Variants in TUBB8B observed in about 807,000 individuals in gnomAD.
TUBB8B encodes HSA18p11 beta-tubulin 4Q pseudogene.
TUBB8B carries 26 observed loss-of-function variants against 31.9 expected under a neutral mutation model. That is an observed-to-expected ratio of 0.81 (90% CI 0.60 to 1.13). The LOEUF (loss-of-function observed/expected upper bound fraction) is 1.13, where lower values mean the gene tolerates loss of function less well. Ranked by LOEUF, TUBB8B falls within the 50% of genes most tolerant of loss-of-function variation. TUBB8B has a pLI of 0.00. For synonymous variants in TUBB8B, 173 were observed against 231.0 expected (o/e 0.75, Z 2.28); for missense variants, 467 against 586.7 (o/e 0.80, Z 2.11).
rs755418201 is a variant in TUBB8B at position 49,054 on chromosome 18, C to A, written c.167-4G>T. ...GCGCGGGGCACGTACCTGCCACCTG[C>A]GTGGGGCGGGAGGGCATGAGCGAGG... On this transcript the variant is annotated splice_region_variant and splice_polypyrimidine_tract_variant and intron_variant, in intron 2 of 3. Transcript: ENST00000308911. 5.7e-6 allele frequency: 9 copies of A among 1,591,300 alleles called. No individual in the cohort carries two copies. In the East Asian group the frequency reaches 1.8e-4, roughly 32 times the overall value.
Position 47,767 on chromosome 18 carries a change from GA to G in TUBB8B, c.957del (p.Arg320AlafsTer4). The G allele has an allele frequency of 1.9e-6, 3 of 1,611,458 alleles. No individual in the cohort carries two copies. On this transcript the variant is annotated frameshift_variant, in exon 4 of 4. Coordinates refer to ENST00000308911, the MANE Select transcript of TUBB8B (RefSeq NM_001358689.2). LOFTEE classifies it high-confidence loss of function. ...TCATCCACCTCCCTCATGGGCATGC[GA>G]CCCCTGAAAATGGCAGCCACCGTTA... ...CYLTVAAIFR[G>X]RMPMREVDEQ...
chr18:67,010 T>TC, the TUBB8B span, among the ~76,000 whole-genome samples: 5 of 151,534 alleles, frequency 3.3e-5, no homozygotes, highest in African/African-American at 9.7e-5. Context: ...TTTTTTTTTT[T>TC]CCAGAAACGG....
rs1488075143 is a variant in TUBB8B at position 47,606 on chromosome 18, G to A, written c.1119C>T (p.Ala373=). 5.0e-6 allele frequency: 8 copies of A among 1,612,382 alleles called. No homozygotes were observed. The highest frequency in any genetic ancestry group is 4.5e-5 in the East Asian group (2 of 44,856). ...AGACACATGTGAAGAGTTCCTGGATGGCCGCATTATTCCCAATGAAGGTGG... is the reference window on the plus strand; with the variant it reads ...AGACACATGTGAAGAGTTCCTGGATAGCCGCATTATTCCCAATGAAGGTGG... ...MSATFIGNNA[A]IQELFTCVSE... Residue 373 remains alanine (A), a synonymous_variant, in exon 4 of 4, where the codon GCC becomes GCT. Transcript: ENST00000308911.
chr18:54,564 C>T (rs1051388916), upstream of TUBB8B, among the ~76,000 whole-genome samples: 34 of 151,838 alleles, frequency 2.2e-4, 1 homozygote, highest in African/African-American at 7.5e-4. Context: ...GGTAACCACC[C>T]TTATACTCTC....
chr18:55,116 TATTGAG>T, the TUBB8B span, among the ~76,000 whole-genome samples: 1 of 151,888 alleles, frequency 6.6e-6, no homozygotes, highest in Non-Finnish European at 1.5e-5. Context: ...TCTATTTATG[TATTGAG>T]ATGAAGTCTT....
At chr18:71,140 A>T in the TUBB8B span, among the ~76,000 whole-genome samples, 1 of 151,792 alleles carries the variant, frequency 6.6e-6, no homozygotes, top group Admixed American at 6.6e-5. Context: ...CTGAGGCAGG[A>T]GTATTGCTGG....
At chr18:67,887 G>GT in the TUBB8B span, among the ~76,000 whole-genome samples, 1 of 151,808 alleles carries the variant, frequency 6.6e-6, no homozygotes, top group African/African-American at 2.4e-5. Flanking sequence ...TATGACACTC[G>GT]TAAGACTGAT....
chr18:61,831 T>C, the TUBB8B span, among the ~76,000 whole-genome samples: 1 of 151,748 alleles, frequency 6.6e-6, no homozygotes, highest in Non-Finnish European at 1.5e-5. Context: ...GTTGTAGTTA[T>C]TTTTTATTGG....
At chr18:67,786 C>T in the TUBB8B span, among the ~76,000 whole-genome samples, 9 of 152,066 alleles carry the variant, frequency 5.9e-5, no homozygotes, top group African/African-American at 1.9e-4. Context: ...TGCTGTGACA[C>T]CCAGAAGACT....
At chr18:70,014 G>T in the TUBB8B span, among the ~76,000 whole-genome samples, 1 of 151,980 alleles carries the variant, frequency 6.6e-6, no homozygotes, top group Non-Finnish European at 1.5e-5. Context: ...ATAATCAGCT[G>T]GGCATGGTGG....
the TUBB8B span, among the ~76,000 whole-genome samples, chr18:64,532 T>C: frequency 6.6e-6 from 1 of 151,872 alleles, no homozygotes; most frequent in Non-Finnish European, 1.5e-5. Flanking sequence ...GAGACCAGCC[T>C]GGTCAACATG....
chr18:57,828 A>T, the TUBB8B span, among the ~76,000 whole-genome samples: 3 of 151,680 alleles, frequency 2.0e-5, no homozygotes, highest in Non-Finnish European at 1.5e-5. Flanking sequence ...TTTGAAGTAA[A>T]GGTGGAGGCT....
chr18:68,161 G>A, the TUBB8B span, among the ~76,000 whole-genome samples: 2 of 152,056 alleles, frequency 1.3e-5, no homozygotes, highest in Non-Finnish European at 1.5e-5. Context: ...GTATTACTGT[G>A]GTTGTTTGTA....
Position 49,143 on chromosome 18 carries a change from T to TAGTACACGTTGGGTGGGAGAA in TUBB8B, c.151_152insTTCTCCCACCCAACGTGTACT (p.His51delinsLeuLeuProProAsnValTyrTyr), listed in dbSNP as rs1905923099. On this transcript the variant is annotated protein_altering_variant, in exon 2 of 4. Transcript: ENST00000308911. ...GGGGGTCGCACCGCTGGCCTCGTGG[T>TAGTACACGTTGGGTGGGAGAA]GGTGCACGTTGATGCGCTCCAGCTG... 6.7e-7 allele frequency: 1 copy of TAGTACACGTTGGGTGGGAGAA among 1,500,412 alleles called. No individual in the cohort carries two copies. Among genetic ancestry groups the TAGTACACGTTGGGTGGGAGAA allele is most frequent in the African/African-American group, 1.4e-5 (1 of 72,038 alleles). 92.9% of individuals were successfully genotyped at this position (1,500,412 alleles called of 1,614,324 possible). A position where few individuals can be genotyped will look rare whatever the true frequency, so the allele number is the denominator to read the frequency against.
chr18:57,862 T>G, the TUBB8B span, among the ~76,000 whole-genome samples: 1 of 152,014 alleles, frequency 6.6e-6, no homozygotes, highest in South Asian at 2.1e-4. Context: ...TCTTGCATTT[T>G]GTACACTCAC....
chr18:50,217 T>A (rs111391448), upstream of TUBB8B: 873 of 210,982 alleles, frequency 4.1e-3, 13 homozygotes, highest in Non-Finnish European at 3.7e-3. Flanking sequence ...AGGTGTTGGG[T>A]TACGCCTGCT....
the TUBB8B span, among the ~76,000 whole-genome samples, chr18:69,241 C>T: frequency 0.2 from 28,691 of 141,414 alleles, no homozygotes; most frequent in African/African-American, 0.29. Flanking sequence ...GCCTGTAATC[C>T]CAGCACTTTG....
chr18:67,099 A>G, the TUBB8B span, among the ~76,000 whole-genome samples: 6 of 150,890 alleles, frequency 4.0e-5, no homozygotes, highest in Admixed American at 4.0e-4. Context: ...GGGTTCAAGC[A>G]ATTCTCCTGC....
the TUBB8B span, among the ~76,000 whole-genome samples, chr18:63,895 C>T: frequency 6.6e-6 from 1 of 150,962 alleles, no homozygotes; most frequent in African/African-American, 2.4e-5. Flanking sequence ...AACCCTAACC[C>T]TACCCCTAAC....
Sources: allele counts gnomAD v4.1 joint callset (sites outside exome capture counted in the v4.1 genomes callset), GRCh38; gene constraint gnomAD v4.1.1; transcripts MANE v1.5; gene names NCBI Gene and HGNC (gene_info 2026-07-23, HGNC 2026-07-21).